MGAT4C: variants seen among roughly 807,000 people sequenced by gnomAD.
The protein encoded by MGAT4C is alpha-1,3-mannosyl-glycoprotein 4-beta-N-acetylglucosaminyltransferase C.
Under a neutral mutation model 40.1 loss-of-function variants are expected in MGAT4C, and 19 were observed. The observed-to-expected ratio is 0.47, with a 90% confidence interval of 0.33 to 0.70. The LOEUF (loss-of-function observed/expected upper bound fraction) is 0.70, where lower values mean the gene tolerates loss of function less well. Among genes scored for constraint, MGAT4C ranks in the 30% least tolerant of loss-of-function variants. MGAT4C has a pLI of 0.02. For missense variants in MGAT4C, 491 were observed against 563.2 expected (o/e 0.87, Z 1.30); for synonymous variants, 181 against 187.1 (o/e 0.97, Z 0.27).
chr12:86,390,675 T>G lies in MGAT4C; in HGVS notation c.-120+44482A>C, dbSNP rs372114913. ...TCCCAAAATTTGAATCACAAACAAA[T>G]AAAGACTTTTGAAAAAAATCTGGTG... On this transcript the variant is annotated intron_variant, in intron 3 of 7. Transcript: ENST00000548651. 1.8e-4 allele frequency among the ~76,000 whole-genome samples: 28 copies of G among 152,178 alleles called. No individual in the cohort carries two copies. In the South Asian group the frequency reaches 5.8e-3, roughly 32 times the overall value.
intron 2 of MGAT4C, among the ~76,000 whole-genome samples, chr12:86,553,322 A>C (rs115547947): frequency 6.6e-6 from 1 of 152,122 alleles, no homozygotes; most frequent in Non-Finnish European, 1.5e-5. Flanking sequence ...TCACTAGTAA[A>C]GGTATAAGAG....
rs891959204 is a variant in MGAT4C at position 86,295,770 on chromosome 12, C to T, written c.-57+38295G>A. Among the ~76,000 whole-genome samples, 5 of 152,024 alleles carry T rather than the reference C, an allele frequency of 3.3e-5. 1 individual carries two copies. Among genetic ancestry groups the T allele is most frequent in the South Asian group, 4.2e-4 (2 of 4,808 alleles). On this transcript the variant is annotated intron_variant, in intron 4 of 7. Coordinates refer to the MGAT4C transcript ENST00000548651. ...ATCAGATTAGTTAGATACAGAGTTT[C>T]GACATACAGGTTCTCCAAGGCCCCA...
At chr12:86,162,243 C>A (rs371396442) in intron 1 of MGAT4C, among the ~76,000 whole-genome samples, 2 of 152,200 alleles carry the variant, frequency 1.3e-5, no homozygotes, top group East Asian at 3.9e-4. Context: ...TGAAATCAAC[C>A]CAGGTACCCA....
At chr12:86,627,793 A>G (rs1962870960) in intron 2 of MGAT4C, among the ~76,000 whole-genome samples, 1 of 150,952 alleles carries the variant, frequency 6.6e-6, no homozygotes, top group African/African-American at 2.4e-5. Flanking sequence ...GGGAGAAACA[A>G]GAGCAGAAAA....
chr12:86,484,071 G>A (rs981620847), intron 2 of MGAT4C, among the ~76,000 whole-genome samples: 1 of 151,904 alleles, frequency 6.6e-6, no homozygotes, highest in Non-Finnish European at 1.5e-5. Flanking sequence ...AAGGGATGGT[G>A]AGGTGGACCA....
At chr12:86,744,816 G>A (rs1252353780) in intron 1 of MGAT4C, among the ~76,000 whole-genome samples, 1 of 151,352 alleles carries the variant, frequency 6.6e-6, no homozygotes, top group Non-Finnish European at 1.5e-5. Flanking sequence ...AAAAATAGCT[G>A]CACCACATCT....
intron 3 of MGAT4C, among the ~76,000 whole-genome samples, chr12:86,430,200 C>T (rs1424261301): frequency 6.6e-6 from 1 of 152,094 alleles, no homozygotes; most frequent in East Asian, 1.9e-4. Context: ...TTTTCTGGTA[C>T]TCCATGCAAC....
intron 1 of MGAT4C, among the ~76,000 whole-genome samples, chr12:86,077,584 T>C (rs147934972): frequency 3.0e-4 from 45 of 152,338 alleles, no homozygotes; most frequent in African/African-American, 1.1e-3. Flanking sequence ...TATTGATGAC[T>C]ACTTTCTTCT....
At chr12:86,202,652 C>T (rs1208111974) in intron 1 of MGAT4C, among the ~76,000 whole-genome samples, 6 of 151,716 alleles carry the variant, frequency 4.0e-5, no homozygotes, top group African/African-American at 1.5e-4. Context: ...TGATATTTTC[C>T]TATATATTAC....
intron 2 of MGAT4C, among the ~76,000 whole-genome samples, chr12:86,617,877 A>G (rs1485106732): frequency 6.6e-6 from 1 of 152,168 alleles, no homozygotes; most frequent in East Asian, 1.9e-4. Context: ...AAATGAAACA[A>G]TCGACAATGT....
At chr12:86,195,327 G>A (rs772124451) in intron 1 of MGAT4C, among the ~76,000 whole-genome samples, 11 of 151,972 alleles carry the variant, frequency 7.2e-5, no homozygotes, top group Middle Eastern at 3.4e-3. Flanking sequence ...ATTGTTCTTC[G>A]TGATCTGTTT....
intron 4 of MGAT4C, among the ~76,000 whole-genome samples, chr12:86,281,475 A>G (rs1485565078): frequency 2.4e-5 from 3 of 125,350 alleles, no homozygotes; most frequent in Non-Finnish European, 3.8e-5. Context: ...TTCAAAATGT[A>G]TCATCATTTT....
intron 2 of MGAT4C, among the ~76,000 whole-genome samples, chr12:86,628,782 C>T (rs1241729083): frequency 6.6e-6 from 1 of 152,164 alleles, no homozygotes; most frequent in Non-Finnish European, 1.5e-5. Flanking sequence ...GTGCAAGCCA[C>T]TGCAAAAACA....
chr12:86,265,688 G>A (rs1592616551), intron 4 of MGAT4C, among the ~76,000 whole-genome samples: 1 of 152,160 alleles, frequency 6.6e-6, no homozygotes, highest in East Asian at 1.9e-4. Flanking sequence ...CTAATTCTGT[G>A]AAAAATGACA....
At chr12:86,495,624 A>G (rs1958222545) in intron 2 of MGAT4C, among the ~76,000 whole-genome samples, 1 of 152,020 alleles carries the variant, frequency 6.6e-6, no homozygotes, top group Non-Finnish European at 1.5e-5. Flanking sequence ...TCTGGATCCC[A>G]GATGGAAAGA....
At chr12:86,691,942 G>C (rs951903368) in intron 2 of MGAT4C, among the ~76,000 whole-genome samples, 2 of 152,048 alleles carry the variant, frequency 1.3e-5, no homozygotes, top group African/African-American at 4.8e-5. Context: ...AGATAATTAT[G>C]TGACAATTAA....
Position 86,139,139 on chromosome 12 carries a change from T to C in MGAT4C, c.-56-89416A>G, listed in dbSNP as rs544470783. Among the ~76,000 whole-genome samples the C allele has an allele frequency of 3.3e-5, 5 of 152,312 alleles. No homozygotes were observed. The East Asian group carries it at 9.6e-4, about 29-fold the overall frequency. On this transcript the variant is annotated intron_variant, in intron 1 of 4. Transcript: ENST00000611864. ...AAAATATTTTCTTTGCATCTAATCT[T>C]ATCCTTCTATGATGTGTTTTACAGT...
At chr12:86,161,721 T>A (rs951287170) in intron 1 of MGAT4C, among the ~76,000 whole-genome samples, 1 of 151,916 alleles carries the variant, frequency 6.6e-6, no homozygotes, top group Non-Finnish European at 1.5e-5. Flanking sequence ...AACAGACAAC[T>A]TACTGAATGG....
At chr12:86,675,411 T>C (rs950469955) in intron 2 of MGAT4C, among the ~76,000 whole-genome samples, 6 of 152,214 alleles carry the variant, frequency 3.9e-5, no homozygotes, top group South Asian at 2.1e-4. Flanking sequence ...TCAGCTGTCA[T>C]GTCTGTGATC....
Sources: gnomAD v4.1 joint callset for allele counts (sites outside exome capture counted in the v4.1 genomes callset) on GRCh38, gnomAD v4.1.1 for gene constraint, MANE v1.5 for transcripts, NCBI Gene and HGNC (gene_info 2026-07-23, HGNC 2026-07-21) for gene names.